The following PAX7 variants were observed in gnomAD, a reference collection of about 807,000 sequenced individuals.
The protein encoded by PAX7 is paired box 7.
In PAX7, 18 loss-of-function variants were observed where a neutral mutation model predicts 50.7. The ratio of observed to expected loss-of-function variants is 0.36; its 90% confidence interval spans 0.25 to 0.53. The LOEUF (loss-of-function observed/expected upper bound fraction) is 0.53. PAX7 is among the 20% of genes least tolerant of loss of function. The probability of loss-of-function intolerance (pLI) is 0.93; values close to 1 mark genes in which losing one functional copy is unlikely to be tolerated. For missense variants in PAX7, 644 were observed against 702.9 expected, an observed-to-expected ratio of 0.92 and a Z score of 0.95; for synonymous variants, 310 against 290.4, an observed-to-expected ratio of 1.07 and a Z score of -0.69.
chr1:18,739,592 G>A (rs776349905), intron 8 of PAX7, among the ~76,000 whole-genome samples: 4 of 152,204 alleles, frequency 2.6e-5, no homozygotes, highest in East Asian at 1.9e-4. Flanking sequence ...AAGGTCACCC[G>A]GCAGCCCATA....
chr1:18,740,957 TAG>T (rs1931097285), intron 8 of PAX7, among the ~76,000 whole-genome samples: 3 of 151,840 alleles, frequency 2.0e-5, no homozygotes, highest in Admixed American at 2.0e-4. Flanking sequence ...CTCATGGAGG[TAG>T]AGAGTCAAAT....
At chr1:18,682,593 T>C (rs1185992559) in intron 4 of PAX7, among the ~76,000 whole-genome samples, 1 of 152,044 alleles carries the variant, frequency 6.6e-6, no homozygotes, top group African/African-American at 2.4e-5. Flanking sequence ...AACCCCACAT[T>C]AGAATCCCAC....
At chr1:18,675,121 GA>G (rs2100249689) in intron 4 of PAX7, among the ~76,000 whole-genome samples, 1 of 152,278 alleles carries the variant, frequency 6.6e-6, no homozygotes, top group African/African-American at 2.4e-5. Context: ...GTGTTTGAAA[GA>G]GTCCTCTTCC....
intron 4 of PAX7, among the ~76,000 whole-genome samples, chr1:18,678,418 G>A (rs528026317): frequency 1.3e-5 from 2 of 151,940 alleles, no homozygotes; most frequent in Admixed American, 6.5e-5. Context: ...AAAAAAAAGT[G>A]TTCTAGAATG....
chr1:18,641,421 A>C (rs2088251765), intron 4 of PAX7, among the ~76,000 whole-genome samples: 1 of 152,082 alleles, frequency 6.6e-6, no homozygotes, highest in Non-Finnish European at 1.5e-5. Context: ...GGGGCTCCCC[A>C]GGGCGCGCAA....
rs368014116 is a variant in PAX7, at chr1:18,662,075, G to A, written c.586+25704G>A. On this transcript the variant is annotated intron_variant, in intron 4 of 8. Transcript: ENST00000420770. ...GCCTGCACCAGTGTCCTAGAGACCT[G>A]CTCTGGGGTTGGGCAACAGGAGTTG... Among the ~76,000 whole-genome samples the A allele has an allele frequency of 3.3e-5, 5 of 151,020 alleles. No homozygotes were observed. In the East Asian group the frequency reaches 9.9e-4, roughly 30 times the overall value.
intron 4 of PAX7, among the ~76,000 whole-genome samples, chr1:18,641,360 G>A (rs1009977860): frequency 6.6e-6 from 1 of 152,246 alleles, no homozygotes; most frequent in Non-Finnish European, 1.5e-5. Flanking sequence ...TGGGAGCTGC[G>A]GAAGAGCTGA....
intron 4 of PAX7, among the ~76,000 whole-genome samples, chr1:18,681,400 A>G (rs2088897549): frequency 6.6e-6 from 1 of 152,082 alleles, no homozygotes; most frequent in Non-Finnish European, 1.5e-5. Flanking sequence ...TTCATCTCCC[A>G]TATGTGCTTT....
At chr1:18,664,502 G>A (rs2088640292) in intron 4 of PAX7, among the ~76,000 whole-genome samples, 1 of 152,210 alleles carries the variant, frequency 6.6e-6, no homozygotes, top group Admixed American at 6.5e-5. Flanking sequence ...TTACCAGGCT[G>A]TCACAGCACT....
At chr1:18,649,638 A>C (rs1570121399) in intron 4 of PAX7, among the ~76,000 whole-genome samples, 1 of 151,594 alleles carries the variant, frequency 6.6e-6, no homozygotes, top group Admixed American at 6.6e-5. Context: ...CCCAGCACCC[A>C]TAAGCACCTA....
intron 7 of PAX7, among the ~76,000 whole-genome samples, chr1:18,714,133 G>A (rs926839640): frequency 9.9e-5 from 15 of 152,098 alleles, no homozygotes; most frequent in East Asian, 1.9e-4. Flanking sequence ...CTTGGACCCC[G>A]GAGGCGGGGG....
chr1:18,740,503 A>G (rs1244919555), intron 8 of PAX7, among the ~76,000 whole-genome samples: 3 of 152,256 alleles, frequency 2.0e-5, no homozygotes, highest in Non-Finnish European at 4.4e-5. Flanking sequence ...TTATAGAAGG[A>G]GAACGCTGAT....
intron 7 of PAX7, among the ~76,000 whole-genome samples, chr1:18,708,381 C>A (rs1204623422): frequency 6.6e-6 from 1 of 151,754 alleles, no homozygotes; most frequent in East Asian, 1.9e-4. Context: ...ATAGCAAAAC[C>A]CAGTGTCTAC....
intron 7 of PAX7, among the ~76,000 whole-genome samples, chr1:18,715,733 T>G (rs1243315654): frequency 6.6e-6 from 1 of 152,178 alleles, no homozygotes; most frequent in East Asian, 1.9e-4. Flanking sequence ...TTTATAGAGC[T>G]AGCCTGAGAA....
chr1:18,722,390 GACA>G (rs1026160203), intron 7 of PAX7, among the ~76,000 whole-genome samples: 3 of 152,128 alleles, frequency 2.0e-5, no homozygotes, highest in African/African-American at 4.8e-5. Context: ...ACTGAAACGA[GACA>G]ACATCTCTCC....
chr1:18,747,692 T>C lies in PAX7; in HGVS notation c.*2763T>C. On this transcript the variant is annotated 3_prime_UTR_variant, in exon 9 of 9. Coordinates refer to ENST00000420770, the MANE Select transcript of PAX7 (RefSeq NM_001135254.2). ...AAAATAAGAGCTGCTTCCTCCAACT[T>C]ATCACAAGTCGCCGTTGGTCCTCTC... 1 of 205,244 alleles carries C rather than the reference T, an allele frequency of 4.9e-6. No homozygotes were observed. The highest frequency in any genetic ancestry group is 7.4e-5 in the East Asian group (1 of 13,592). 12.7% of individuals were successfully genotyped at this position (205,244 alleles called of 1,614,324 possible).
At chr1:18,643,884 G>C (rs1209886598) in intron 4 of PAX7, among the ~76,000 whole-genome samples, 1 of 152,328 alleles carries the variant, frequency 6.6e-6, no homozygotes, top group Non-Finnish European at 1.5e-5. Context: ...GCTCCAACCC[G>C]GGGCGCTGGG....
chr1:18,644,405 G>T (rs780636353), intron 4 of PAX7, among the ~76,000 whole-genome samples: 5 of 152,172 alleles, frequency 3.3e-5, no homozygotes, highest in Non-Finnish European at 7.3e-5. Context: ...AAGAGAATTA[G>T]CTAAGACAAA....
intron 7 of PAX7, among the ~76,000 whole-genome samples, chr1:18,704,765 G>C (rs1475168970): frequency 6.6e-6 from 1 of 151,850 alleles, no homozygotes; most frequent in African/African-American, 2.4e-5. Flanking sequence ...TGCTTGTCTG[G>C]ATTCATTTCT....
Sources: gnomAD v4.1 joint callset for allele counts (sites outside exome capture counted in the v4.1 genomes callset) on GRCh38, gnomAD v4.1.1 for gene constraint, MANE v1.5 for transcripts, NCBI Gene and HGNC (gene_info 2026-07-23, HGNC 2026-07-21) for gene names.